The following MYRIP variants were observed in gnomAD, a reference collection of about 807,000 sequenced individuals.
MYRIP encodes myosin VIIA and Rab interacting protein.
MYRIP carries 49 observed loss-of-function variants against 98.0 expected under a neutral mutation model. The ratio of observed to expected loss-of-function variants is 0.50; its 90% CI spans 0.40 to 0.63. The LOEUF is 0.63. Ranked by LOEUF, MYRIP falls within the 30% of genes least tolerant of loss-of-function variation. MYRIP has a pLI of 0.00. For synonymous variants in MYRIP, 404 were observed against 409.5 expected (o/e 0.99, Z 0.16); for missense variants, 1,004 against 1,058.2 (o/e 0.95, Z 0.71).
chr3:40,242,843 A>C (rs1953066776), intron 12 of MYRIP, among the ~76,000 whole-genome samples: 1 of 151,252 alleles, frequency 6.6e-6, no homozygotes, highest in African/African-American at 2.4e-5. Flanking sequence ...CCTTTTCCCC[A>C]CCCCCAATTA....
chr3:39,869,539 G>A lies in MYRIP; in HGVS notation c.-30-31248G>A, dbSNP rs565652638. ...ATAATAATTTATTTAAAGCCTTTGC[G>A]TACTTCTCTCAAGATAAGGGAGTAG... On this transcript the variant is annotated intron_variant, in intron 1 of 16. Transcript: ENST00000302541. Among the ~76,000 whole-genome samples the A allele has an allele frequency of 5.9e-5, 9 of 152,038 alleles. No homozygotes were observed. The South Asian group carries it at 6.2e-4, about 11-fold the overall frequency.
At chr3:39,846,786 C>T (rs564232773) in intron 1 of MYRIP, among the ~76,000 whole-genome samples, 1 of 152,230 alleles carries the variant, frequency 6.6e-6, no homozygotes, top group Admixed American at 6.5e-5. Flanking sequence ...AGACTTGGAT[C>T]CCATGATTAT....
At chr3:40,101,690 G>A (rs994970246) in intron 3 of MYRIP, among the ~76,000 whole-genome samples, 2 of 152,012 alleles carry the variant, frequency 1.3e-5, no homozygotes, top group Non-Finnish European at 1.5e-5. Flanking sequence ...ATTTCTGAGA[G>A]TTATTTTTGT....
intron 2 of MYRIP, among the ~76,000 whole-genome samples, chr3:39,925,729 C>A (rs1377830456): frequency 6.6e-6 from 1 of 152,038 alleles, no homozygotes; most frequent in Non-Finnish European, 1.5e-5. Flanking sequence ...TTCAATCCAC[C>A]ATTGATGGGT....
chr3:40,160,692 C>G (rs1430048239), intron 4 of MYRIP, among the ~76,000 whole-genome samples: 1 of 152,220 alleles, frequency 6.6e-6, no homozygotes, highest in African/African-American at 2.4e-5. Context: ...GATATAATCT[C>G]CTAGTGCGCC....
chr3:40,006,212 ACCC>A (rs1472504452), intron 2 of MYRIP, among the ~76,000 whole-genome samples: 1 of 152,182 alleles, frequency 6.6e-6, no homozygotes, highest in African/African-American at 2.4e-5. Flanking sequence ...CAGGTGGGTG[ACCC>A]CATCAAATTT....
intron 2 of MYRIP, among the ~76,000 whole-genome samples, chr3:39,968,187 A>T (rs1357767344): frequency 6.7e-6 from 1 of 149,514 alleles, no homozygotes; most frequent in African/African-American, 2.5e-5. Context: ...GTTGTCTTTC[A>T]GGGTTTTTAT....
At chr3:39,822,685 T>A (rs980440534) in intron 1 of MYRIP, among the ~76,000 whole-genome samples, 2 of 152,324 alleles carry the variant, frequency 1.3e-5, no homozygotes, top group African/African-American at 2.4e-5. Flanking sequence ...ATTCTCTCCC[T>A]TTCTCTACCC....
At chr3:40,156,704 T>C (rs1950249859) in intron 4 of MYRIP, among the ~76,000 whole-genome samples, 3 of 151,568 alleles carry the variant, frequency 2.0e-5, no homozygotes, top group Admixed American at 1.3e-4. Context: ...GAAGAGGTCC[T>C]TCACATCCCT....
At chr3:40,085,620 C>T (rs1429642575) in intron 3 of MYRIP, among the ~76,000 whole-genome samples, 3 of 152,106 alleles carry the variant, frequency 2.0e-5, no homozygotes, top group African/African-American at 4.8e-5. Flanking sequence ...AAAGAACTTC[C>T]TCAGGGAGGA....
At chr3:40,086,808 T>C (rs1203091095) in intron 3 of MYRIP, among the ~76,000 whole-genome samples, 1 of 152,010 alleles carries the variant, frequency 6.6e-6, no homozygotes, top group African/African-American at 2.4e-5. Context: ...GTGCTCCCAA[T>C]TTCCAGAACT....
intron 3 of MYRIP, among the ~76,000 whole-genome samples, chr3:40,139,653 C>A (rs1034084093): frequency 1.3e-5 from 2 of 152,290 alleles, no homozygotes; most frequent in East Asian, 3.9e-4. Flanking sequence ...AATCATAGCT[C>A]ACTGCCACTT....
At chr3:39,965,263 T>TTTATATACA (rs1945413475) in intron 2 of MYRIP, among the ~76,000 whole-genome samples, 1 of 152,088 alleles carries the variant, frequency 6.6e-6, no homozygotes, top group Non-Finnish European at 1.5e-5. Context: ...TTTGGATGAT[T>TTTATATACA]TTATATACAT....
At chr3:40,098,028 A>G (rs1948864931) in intron 3 of MYRIP, among the ~76,000 whole-genome samples, 1 of 152,166 alleles carries the variant, frequency 6.6e-6, no homozygotes, top group African/African-American at 2.4e-5. Context: ...TCCCTTTTAA[A>G]TCAGAGTTAT....
At chr3:40,194,063 C>A (rs1326748469) in intron 10 of MYRIP, among the ~76,000 whole-genome samples, 2 of 152,000 alleles carry the variant, frequency 1.3e-5, no homozygotes, top group Non-Finnish European at 2.9e-5. Context: ...AATTTTTGTT[C>A]ATAATAATTT....
At chr3:40,217,861 T>C (rs897043612) in intron 11 of MYRIP, among the ~76,000 whole-genome samples, 5 of 152,130 alleles carry the variant, frequency 3.3e-5, no homozygotes, top group Admixed American at 1.3e-4. Flanking sequence ...TCCAGTGCAA[T>C]AGGAAATAAA....
intron 3 of MYRIP, among the ~76,000 whole-genome samples, chr3:40,134,766 C>G (rs1278724461): frequency 6.6e-6 from 1 of 152,222 alleles, no homozygotes; most frequent in Non-Finnish European, 1.5e-5. Flanking sequence ...GATACCCAGG[C>G]AAACAGGATC....
intron 3 of MYRIP, among the ~76,000 whole-genome samples, chr3:40,071,540 A>G (rs1440197131): frequency 6.7e-6 from 1 of 150,128 alleles, no homozygotes; most frequent in Non-Finnish European, 1.5e-5. Context: ...GCAATTGATG[A>G]TTGGGGCACA....
intron 2 of MYRIP, among the ~76,000 whole-genome samples, chr3:39,955,488 G>C (rs1242941049): frequency 6.6e-6 from 1 of 152,120 alleles, no homozygotes; most frequent in Non-Finnish European, 1.5e-5. Context: ...GAGAGATTCT[G>C]TCACCACCAG....
Sources: allele counts gnomAD v4.1 joint callset (sites outside exome capture counted in the v4.1 genomes callset), GRCh38; gene constraint gnomAD v4.1.1; transcripts MANE v1.5; gene names NCBI Gene and HGNC (gene_info 2026-07-23, HGNC 2026-07-21).